ATP13A3: variants seen among roughly 807,000 people sequenced by gnomAD.
ATP13A3 encodes the protein ATPase 13A3.
A neutral mutation model predicts 158.1 loss-of-function variants in ATP13A3; 59 were observed. The observed-to-expected ratio is 0.37, with a 90% CI of 0.30 to 0.46. The LOEUF (loss-of-function observed/expected upper bound fraction) is 0.46. Ranked by LOEUF, ATP13A3 falls within the 20% of genes least tolerant of loss-of-function variation. The pLI, the probability that ATP13A3 is intolerant of heterozygous loss-of-function variation, is 1.00. For missense variants in ATP13A3, 1,166 were observed against 1,525.2 expected (o/e 0.76, Z 3.92); for synonymous variants, 491 against 504.3 (o/e 0.97, Z 0.35).
intron 16 of ATP13A3, among the ~76,000 whole-genome samples, chr3:194,439,852 G>T (rs943802822): frequency 3.3e-5 from 5 of 152,156 alleles, no homozygotes; most frequent in African/African-American, 9.7e-5. Context: ...CACCAACACT[G>T]AACACTAAAT....
chr3:194,424,919 G>A (rs1361662916), intron 30 of ATP13A3, among the ~76,000 whole-genome samples: 3 of 152,170 alleles, frequency 2.0e-5, no homozygotes, highest in South Asian at 2.1e-4. Context: ...CGGGAGGAAA[G>A]TATAATACCT....
At chr3:194,446,441 G>A (rs927228580) in intron 14 of ATP13A3, among the ~76,000 whole-genome samples, 7 of 152,212 alleles carry the variant, frequency 4.6e-5, no homozygotes, top group African/African-American at 1.7e-4. Context: ...ATCCTGTCTA[G>A]GGCTGGTTCC....
chr3:194,439,438 A>G (rs1240211324), intron 16 of ATP13A3, among the ~76,000 whole-genome samples: 1 of 152,256 alleles, frequency 6.6e-6, no homozygotes, highest in Non-Finnish European at 1.5e-5. Context: ...GCACAAAGAT[A>G]TGAGTTTAGA....
chr3:194,484,498 A>G (rs1720886760), intron 2 of ATP13A3, among the ~76,000 whole-genome samples: 1 of 152,198 alleles, frequency 6.6e-6, no homozygotes, highest in Admixed American at 6.5e-5. Flanking sequence ...TCATATTACT[A>G]TGGATATACA....
In ATP13A3 at chr3:194,437,159, T is replaced by C; in HGVS notation, c.2056A>G (p.Ile686Val). Residue 686 changes from isoleucine to valine, a missense_variant, in exon 20 of 34, where the codon ATT becomes GTT. By Grantham distance (29) the Ile-to-Val change is conservative. This residue lies in a region of ATP13A3 where 997 missense variants were observed against 1,341.2 expected (regional missense o/e 0.74). Transcript: ENST00000645319. ...EDFTKQGFRV[I>V]ALAHRKLESK... ...TCCAATTTTCTGTGTGCAAGAGCAATCACACGGAAGCCCTGTTTAGTGAAG... is the reference window on the plus strand; with the variant it reads ...TCCAATTTTCTGTGTGCAAGAGCAACCACACGGAAGCCCTGTTTAGTGAAG... The C allele has an allele frequency of 3.1e-6, 5 of 1,614,022 alleles. No homozygotes were observed. Among genetic ancestry groups the C allele is most frequent in the Admixed American group, 1.7e-5 (1 of 60,032 alleles).
At chr3:194,491,242 G>A (rs2109096623), upstream of ATP13A3, among the ~76,000 whole-genome samples, 1 of 152,266 alleles carries the variant, frequency 6.6e-6, no homozygotes. Flanking sequence ...ACTGGTGCCA[G>A]ATAAGTTCAC....
At chr3:194,406,163 AG>A in intron 33 of ATP13A3, 47 bp from the exon 34 acceptor site, 1 of 1,593,674 alleles carries the variant, frequency 6.3e-7, no homozygotes, top group Non-Finnish European at 8.6e-7. Flanking sequence ...AGTTGATTAA[AG>A]GCTTGTCGTT....
chr3:194,450,103 T>C (rs762892652), intron 11 of ATP13A3, 42 bp downstream of exon 11: 14 of 1,595,820 alleles, frequency 8.8e-6, no homozygotes, highest in Non-Finnish European at 1.2e-5. Context: ...AGTCATGATA[T>C]ATCATGAACA....
chr3:194,463,189 C>A lies in ATP13A3; in HGVS notation c.-46-953G>T, dbSNP rs750064917. On this transcript the variant is annotated intron_variant, in intron 2 of 33. Coordinates refer to ENST00000645319, the MANE Select transcript of ATP13A3 (RefSeq NM_001367549.1). ...CTGGAGAGCACTCAGCTGACTCCAT[C>A]ATTCGATTCCAAGTCCACTGGGCAA... is the stretch of plus-strand genomic sequence containing the variant. Among the ~76,000 whole-genome samples the A allele has an allele frequency of 1.4e-4, 21 of 152,132 alleles. 1 individual carries two copies. Among genetic ancestry groups the A allele is most frequent in the Admixed American group, 1.0e-3 (16 of 15,276 alleles).
intron 31 of ATP13A3, among the ~76,000 whole-genome samples, chr3:194,416,805 G>C (rs938476804): frequency 6.6e-6 from 1 of 152,090 alleles, no homozygotes; most frequent in African/African-American, 2.4e-5. Context: ...AAATGTGTCT[G>C]AATAAAGTCT....
intron 27 of ATP13A3, 84 bp from the exon 28 acceptor site, chr3:194,429,001 T>C (rs1577045260): frequency 2.2e-6 from 2 of 897,802 alleles, no homozygotes; most frequent in East Asian, 5.8e-5. Flanking sequence ...GTTTGGATTT[T>C]CCCTATAATG....
chr3:194,444,723 A>T lies in ATP13A3; in HGVS notation c.1559+2T>A. 6.3e-7 allele frequency: 1 copy of T among 1,587,264 alleles called. No individual in the cohort carries two copies. The highest frequency in any genetic ancestry group is 8.5e-7 in the Non-Finnish European group (1 of 1,170,888). On this transcript the variant is annotated splice_donor_variant, in intron 15 of 33. Transcript: ENST00000645319. LOFTEE classifies it high-confidence loss of function. ...AAACTATCAAGTCTAACTAATATTT[A>T]CCGTGCATTTTCCACTCGTTGAATC...
Position 194,447,980 on chromosome 3 carries a change from G to A in ATP13A3, c.1180C>T (p.Arg394Cys), listed in dbSNP as rs1435613000. Reference protein sequence around the residue: ...GFSTSKGQLVRSILYPKPTDF... With the variant: ...GFSTSKGQLVCSILYPKPTDF... ...GTTGGTTTGGGATACAATATGGAACGAACAAGCTGTCCTTTGGAAGTACTA... is the reference window on the plus strand; with the variant it reads ...GTTGGTTTGGGATACAATATGGAACAAACAAGCTGTCCTTTGGAAGTACTA... Residue 394 changes from arginine to cysteine, a missense_variant, in exon 13 of 34, where the codon CGT becomes TGT. By Grantham distance (180) the Arg-to-Cys change is radical. Around this residue, in one of 3 missense-constraint regions of ATP13A3, gnomAD observed 997 missense variants for 1,341.2 expected, o/e 0.74. Coordinates refer to ENST00000645319, the MANE Select transcript of ATP13A3 (RefSeq NM_001367549.1). 6.2e-6 allele frequency: 10 copies of A among 1,609,114 alleles called. No individual in the cohort carries two copies. Among genetic ancestry groups the A allele is most frequent in the Admixed American group, 3.3e-5 (2 of 59,926 alleles).
In ATP13A3 at chr3:194,425,370, T is replaced by C. The variant is rs1399479991; in HGVS notation, c.3285A>G (p.Lys1095=). 1 of 1,612,318 alleles carries C rather than the reference T, an allele frequency of 6.2e-7. No individual in the cohort carries two copies. The highest frequency in any genetic ancestry group is 1.7e-5 in the Admixed American group (1 of 59,642). The change falls in exon 30 of 34, where the codon AAA becomes AAG. Residue 1095 remains lysine, a synonymous_variant. Coordinates refer to ENST00000645319, the MANE Select transcript of ATP13A3 (RefSeq NM_001367549.1). ...TTTTGTAGCAAGGTTGCCTGAAGGGTTTTCCTTTTGAAAAGGCAATTGCCA... is the reference window on the plus strand; with the variant it reads ...TTTTGTAGCAAGGTTGCCTGAAGGGCTTTCCTTTTGAAAAGGCAATTGCCA... ...LIVAIAFSKG[K]PFRQPCYKNY...
At chr3:194,432,778 G>GT (rs1717321923) in intron 21 of ATP13A3, among the ~76,000 whole-genome samples, 1 of 151,790 alleles carries the variant, frequency 6.6e-6, no homozygotes, top group Admixed American at 6.6e-5. Flanking sequence ...TACTGAACAC[G>GT]TAAGTGCCAT....
At chr3:194,490,232 A>G (rs550422582), upstream of ATP13A3, among the ~76,000 whole-genome samples, 1 of 152,246 alleles carries the variant, frequency 6.6e-6, no homozygotes, top group South Asian at 2.1e-4. This position sits in a 1 kb window ranked among gnomAD's most constrained non-coding sequence, Gnocchi z 4.4. Flanking sequence ...ATCATCCTAC[A>G]TCGGCCCCAG....
In ATP13A3 at chr3:194,415,661, C is replaced by CTGTTTT. The variant is rs1208643552; in HGVS notation, c.3403-1823_3403-1822insAAAACA. On this transcript the variant is annotated intron_variant, in intron 31 of 33. Coordinates refer to ENST00000645319, the MANE Select transcript of ATP13A3 (RefSeq NM_001367549.1). ...GTGCAAGGATTTACAATACCACATT[C>CTGTTTT]TTTTTTTTTTTTTTTTTTTTTTTTT... 8.8e-5 allele frequency among the ~76,000 whole-genome samples: 8 copies of CTGTTTT among 90,928 alleles called. No homozygotes were observed. In the East Asian group the frequency reaches 2.2e-3, roughly 26 times the overall value. 59.7% of individuals were successfully genotyped at this position (90,928 alleles called of 152,430 possible). A position where few individuals can be genotyped will look rare whatever the true frequency, so the allele number is the denominator to read the frequency against.
rs1184157353 is a variant in ATP13A3 at position 194,454,412 on chromosome 3, A to C, written c.631-20T>G. 6.3e-7 allele frequency: 1 copy of C among 1,597,752 alleles called. No individual in the cohort carries two copies. Among genetic ancestry groups the C allele is most frequent in the Admixed American group, 1.7e-5 (1 of 59,122 alleles). On this transcript the variant is annotated intron_variant, in intron 8 of 33. Transcript: ENST00000645319. ...GAGAACCTAAAAAACAAGATTTTAA[A>C]GTCAAACTGAATGAGGTATTAATGA...
intron 27 of ATP13A3, 61 bp from the exon 28 acceptor site, chr3:194,428,978 G>T: frequency 8.8e-7 from 1 of 1,137,488 alleles, no homozygotes; most frequent in Non-Finnish European, 1.3e-6. Flanking sequence ...AGCGTCCCCA[G>T]GTTTTATTAA....
Sources: allele counts gnomAD v4.1 joint callset (sites outside exome capture counted in the v4.1 genomes callset), GRCh38; gene constraint gnomAD v4.1.1; regional missense constraint gnomAD v4.1.1; non-coding constraint Gnocchi (gnomAD v3.1); transcripts MANE v1.5; gene names NCBI Gene and HGNC (gene_info 2026-07-23, HGNC 2026-07-21).